GTF2A1L: variants seen among roughly 807,000 people sequenced by gnomAD.
The protein encoded by GTF2A1L is TFIIA-alpha and beta-like factor.
A neutral mutation model predicts 49.7 loss-of-function variants in GTF2A1L; 48 were observed. The ratio of observed to expected loss-of-function variants is 0.97; its 90% CI spans 0.77 to 1.23. The LOEUF is 1.23. Ranked by LOEUF, GTF2A1L falls within the 50% of genes most tolerant of loss-of-function variation. The probability of loss-of-function intolerance (pLI) is 0.00; values close to 1 mark genes in which losing one functional copy is unlikely to be tolerated. For missense variants in GTF2A1L, 736 were observed against 564.8 expected (o/e 1.30, Z -3.07); for synonymous variants, 246 against 193.5 (o/e 1.27, Z -2.25).
chr2:48,634,751 T>C (rs1294725003), intron 3 of GTF2A1L, among the ~76,000 whole-genome samples: 2 of 152,246 alleles, frequency 1.3e-5, no homozygotes, highest in African/African-American at 4.8e-5. Context: ...GTAAGGTTTC[T>C]GCTGAGAAGT....
At chr2:48,643,788 C>T (rs969535993) in intron 4 of GTF2A1L, among the ~76,000 whole-genome samples, 1 of 150,978 alleles carries the variant, frequency 6.6e-6, no homozygotes, top group East Asian at 2.0e-4. Flanking sequence ...CAACCTCCGC[C>T]TCCCAGGTTC....
chr2:48,651,213 A>G (rs1677825395), intron 6 of GTF2A1L, among the ~76,000 whole-genome samples: 1 of 152,148 alleles, frequency 6.6e-6, no homozygotes, highest in South Asian at 2.1e-4. Context: ...TAGTGCAGAG[A>G]AAATAAAAAA....
chr2:48,643,518 G>C (rs1677319737), intron 4 of GTF2A1L, among the ~76,000 whole-genome samples: 1 of 152,032 alleles, frequency 6.6e-6, no homozygotes, highest in South Asian at 2.1e-4. Context: ...GGAGACCAAT[G>C]AAGAAATACC....
chr2:48,654,327 G>C, intron 6 of GTF2A1L, among the ~76,000 whole-genome samples: 1 of 152,056 alleles, frequency 6.6e-6, no homozygotes, highest in East Asian at 1.9e-4. Flanking sequence ...AAACTGTATA[G>C]TTATAGTTTT....
chr2:48,663,890 G>A (rs1212006222), intron 6 of GTF2A1L, among the ~76,000 whole-genome samples: 1 of 152,072 alleles, frequency 6.6e-6, no homozygotes, highest in East Asian at 1.9e-4. Context: ...TGAGATTACA[G>A]GCATAAGCCA....
chr2:48,647,388 A>G (rs1392826494), intron 6 of GTF2A1L, among the ~76,000 whole-genome samples: 2 of 152,160 alleles, frequency 1.3e-5, no homozygotes, highest in African/African-American at 4.8e-5. Flanking sequence ...TTTCATTTCA[A>G]TAAATGAATT....
intron 6 of GTF2A1L, among the ~76,000 whole-genome samples, chr2:48,663,469 T>C (rs1314980169): frequency 6.6e-6 from 1 of 152,056 alleles, no homozygotes. Context: ...CAATCAAAAC[T>C]GAAACTTAAT....
At chr2:48,661,235 T>G in intron 6 of GTF2A1L, among the ~76,000 whole-genome samples, 1 of 145,942 alleles carries the variant, frequency 6.9e-6, no homozygotes, top group Non-Finnish European at 1.5e-5. Context: ...TTGTTTTCAC[T>G]GCATCCCCAA....
rs974372603 is a variant in GTF2A1L, at chr2:48,642,451, A to G, written c.297A>G (p.Ala99=). 18 of 1,589,650 alleles carry G rather than the reference A, an allele frequency of 1.1e-5. 1 individual carries two copies. The highest frequency in any genetic ancestry group is 1.5e-5 in the Non-Finnish European group (18 of 1,163,960). The change falls in exon 4 of 9, where the codon GCA becomes GCG. Residue 99 remains alanine, a synonymous_variant. Coordinates refer to ENST00000403751, the MANE Select transcript of GTF2A1L (RefSeq NM_006872.5). ...AGRTLPSFTT[A]ELGTSNSSAN... ...GAACTCTTCCAAGTTTTACCACAGC[A>G]GAACTGGTATGTAGCTTACTTAAAA...
At chr2:48,620,169 AG>A (rs1279605618) in intron 1 of GTF2A1L, among the ~76,000 whole-genome samples, 1 of 152,210 alleles carries the variant, frequency 6.6e-6, no homozygotes, top group Non-Finnish European at 1.5e-5. Flanking sequence ...TGAAAACAGA[AG>A]GTCTATTTCT....
chr2:48,638,104 A>G (rs1298667338), intron 3 of GTF2A1L, among the ~76,000 whole-genome samples: 1 of 152,164 alleles, frequency 6.6e-6, no homozygotes, highest in Non-Finnish European at 1.5e-5. Context: ...TACCAACCAA[A>G]AAAAGCCAAG....
chr2:48,668,389 G>A (rs953674830), intron 6 of GTF2A1L, among the ~76,000 whole-genome samples: 1 of 152,110 alleles, frequency 6.6e-6, no homozygotes, highest in African/African-American at 2.4e-5. Context: ...TTCCAAAGAG[G>A]TTAAGAACTA....
intron 6 of GTF2A1L, among the ~76,000 whole-genome samples, chr2:48,658,859 C>T (rs1678328142): frequency 6.6e-6 from 1 of 151,742 alleles, no homozygotes; most frequent in Non-Finnish European, 1.5e-5. Flanking sequence ...TTTTATTGTG[C>T]TTATTTGGAT....
intron 3 of GTF2A1L, among the ~76,000 whole-genome samples, chr2:48,638,051 A>G (rs1677000048): frequency 6.6e-6 from 1 of 152,226 alleles, no homozygotes; most frequent in African/African-American, 2.4e-5. Flanking sequence ...TTCCCTGAAC[A>G]GACCAATAAG....
At chr2:48,665,842 G>T (rs1402676724) in intron 6 of GTF2A1L, among the ~76,000 whole-genome samples, 2 of 151,960 alleles carry the variant, frequency 1.3e-5, no homozygotes. Context: ...ATTGTCCAGG[G>T]TTTCCATATC....
At chr2:48,654,370 T>G (rs971759531) in intron 6 of GTF2A1L, among the ~76,000 whole-genome samples, 2 of 152,144 alleles carry the variant, frequency 1.3e-5, no homozygotes, top group African/African-American at 4.8e-5. Flanking sequence ...TCTGGGCTAG[T>G]TTTGTATATG....
In GTF2A1L at chr2:48,665,474, C is replaced by T. The variant is rs796439519; in HGVS notation, c.979-4248C>T. 3.9e-5 allele frequency among the ~76,000 whole-genome samples: 6 copies of T among 152,118 alleles called. 1 individual carries two copies. The highest frequency in any genetic ancestry group is 1.4e-4 in the African/African-American group (6 of 41,534). On this transcript the variant is annotated intron_variant, in intron 6 of 8. Transcript: ENST00000403751. ...ATAATTTAATGCTGTAAATTTCCCTCTAGGCACTGCTTTGGGTACATCTCA... is the reference window on the plus strand; with the variant it reads ...ATAATTTAATGCTGTAAATTTCCCTTTAGGCACTGCTTTGGGTACATCTCA...
At chr2:48,639,638 A>C (rs925135736) in intron 3 of GTF2A1L, among the ~76,000 whole-genome samples, 3 of 152,170 alleles carry the variant, frequency 2.0e-5, no homozygotes, top group African/African-American at 4.8e-5. Context: ...ACATAGGAAC[A>C]GGCAAAGATT....
At chr2:48,671,245 C>T (rs948817401) in intron 7 of GTF2A1L, among the ~76,000 whole-genome samples, 3 of 152,132 alleles carry the variant, frequency 2.0e-5, no homozygotes, top group Admixed American at 6.6e-5. Context: ...CTCTGTCGCT[C>T]AGGCTTGAGT....
Sources: gnomAD v4.1 joint callset for allele counts (sites outside exome capture counted in the v4.1 genomes callset) on GRCh38, gnomAD v4.1.1 for gene constraint, MANE v1.5 for transcripts, NCBI Gene and HGNC (gene_info 2026-07-23, HGNC 2026-07-21) for gene names.